Variants in AGPAT5 observed in about 807,000 individuals in gnomAD.
AGPAT5 encodes 1-acylglycerol-3-phosphate O-acyltransferase 5.
Under a neutral mutation model 45.6 loss-of-function variants are expected in AGPAT5, and 46 were observed. The ratio of observed to expected loss-of-function variants is 1.01; its 90% CI spans 0.80 to 1.29. AGPAT5 has a LOEUF of 1.29. Among genes scored for constraint, AGPAT5 ranks in the 50% most tolerant of loss-of-function variants. The pLI, the probability that AGPAT5 is intolerant of heterozygous loss-of-function variation, is 0.00. For missense variants in AGPAT5, 673 were observed against 450.7 expected, an observed-to-expected ratio of 1.49 and a Z score of -4.47; for synonymous variants, 272 against 167.0, an observed-to-expected ratio of 1.63 and a Z score of -4.85.
chr8:6,709,818 C>T (rs1477512432), intron 1 of AGPAT5, among the ~76,000 whole-genome samples: 2 of 152,030 alleles, frequency 1.3e-5, no homozygotes, highest in South Asian at 2.1e-4. Flanking sequence ...TTGATGGCCC[C>T]AGTTGGAAGT....
chr8:6,711,617 C>T (rs1164400012), intron 1 of AGPAT5, among the ~76,000 whole-genome samples: 1 of 152,224 alleles, frequency 6.6e-6, no homozygotes, highest in Non-Finnish European at 1.5e-5. Context: ...GCTGCCAAAA[C>T]AGATCACCTC....
intron 2 of AGPAT5, among the ~76,000 whole-genome samples, chr8:6,727,901 G>C (rs1276999105): frequency 6.6e-6 from 1 of 152,190 alleles, no homozygotes; most frequent in African/African-American, 2.4e-5. Flanking sequence ...TATTGGTAAG[G>C]TGTGAGTGAT....
At chr8:6,735,876 T>C (rs899714113) in intron 4 of AGPAT5, among the ~76,000 whole-genome samples, 2 of 136,634 alleles carry the variant, frequency 1.5e-5, no homozygotes, top group Admixed American at 7.9e-5. Context: ...TTTTTTTGAG[T>C]TGGAGTCTCG....
intron 6 of AGPAT5, among the ~76,000 whole-genome samples, chr8:6,750,724 CTT>C (rs34086600): frequency 6.8e-6 from 1 of 146,856 alleles, no homozygotes; most frequent in African/African-American, 2.5e-5. Flanking sequence ...CAGGGGATAC[CTT>C]TTTTTTTTTT....
chr8:6,715,818 T>C (rs188963044), intron 1 of AGPAT5, among the ~76,000 whole-genome samples: 3 of 152,358 alleles, frequency 2.0e-5, no homozygotes, highest in Admixed American at 2.0e-4. Context: ...CTTGGGTTAG[T>C]GGAGAAGGCT....
At chr8:6,721,191 G>C (rs964410671) in intron 1 of AGPAT5, among the ~76,000 whole-genome samples, 1 of 152,264 alleles carries the variant, frequency 6.6e-6, no homozygotes, top group African/African-American at 2.4e-5. Flanking sequence ...ACTAGTTTTT[G>C]TATGCTTTAC....
chr8:6,716,161 A>C (rs751431493), intron 1 of AGPAT5, among the ~76,000 whole-genome samples: 6 of 152,244 alleles, frequency 3.9e-5, no homozygotes, highest in Non-Finnish European at 8.8e-5. Context: ...ATATAACATT[A>C]GCATATTTTA....
chr8:6,713,699 A>G (rs1800228849), intron 1 of AGPAT5, among the ~76,000 whole-genome samples: 1 of 148,276 alleles, frequency 6.7e-6, no homozygotes, highest in Admixed American at 6.8e-5. Flanking sequence ...GACTACAGGT[A>G]CACAGCACCA....
chr8:6,709,756 T>C (rs989430877), intron 1 of AGPAT5, among the ~76,000 whole-genome samples: 11 of 152,108 alleles, frequency 7.2e-5, no homozygotes, highest in Admixed American at 1.3e-4. Context: ...GTTTTTACCC[T>C]GTGGTCAGTC....
At chr8:6,711,998 T>G (rs1029113066) in intron 1 of AGPAT5, among the ~76,000 whole-genome samples, 1 of 152,232 alleles carries the variant, frequency 6.6e-6, no homozygotes, top group African/African-American at 2.4e-5. Context: ...GTTCCAGGGC[T>G]TAGGATGTGG....
At chr8:6,709,502 C>T (rs974523014) in intron 1 of AGPAT5, 8 of 150,992 alleles carry the variant, frequency 5.3e-5, no homozygotes, top group Non-Finnish European at 8.8e-5. Context: ...GTAGATTAAA[C>T]TTGAGAAACA....
intron 3 of AGPAT5, 35 bp from the exon 4 acceptor site, chr8:6,732,526 A>G: frequency 1.3e-6 from 2 of 1,547,292 alleles, no homozygotes; most frequent in Non-Finnish European, 1.7e-6. Flanking sequence ...TTATTTTAAA[A>G]GTAAATGCTC....
Position 6,741,768 on chromosome 8 carries a change from G to A in AGPAT5, c.586+17G>A. On this transcript the variant is annotated intron_variant, in intron 5 of 7. Transcript: ENST00000285518. ...CCCAACGTGGTAAGTAAAAATTTGA[G>A]TGTTTGAACAAATAATTTTCAAAGA... 1 of 1,562,230 alleles carries A rather than the reference G, an allele frequency of 6.4e-7. No homozygotes were observed. Among genetic ancestry groups the A allele is most frequent in the Non-Finnish European group, 8.7e-7 (1 of 1,144,022 alleles).
At chr8:6,709,333 T>C in intron 1 of AGPAT5, 1 of 176,206 alleles carries the variant, frequency 5.7e-6, no homozygotes, top group Non-Finnish European at 1.2e-5. Context: ...TTCTTTCCCC[T>C]GGACAAGTGA....
chr8:6,755,118 A>T lies in AGPAT5; in HGVS notation c.813A>T (p.Pro271=). The change falls in exon 7 of 8, where the codon CCA becomes CCT. Residue 271 remains proline (P), a synonymous_variant. Coordinates refer to ENST00000285518, the MANE Select transcript of AGPAT5 (RefSeq NM_018361.5). Reference sequence around the variant, plus strand: ...ATCGTATCGACAAAAAAGATGTCCCAGAAGAACAAGAACATATGAGAAGAT... The same window carrying T: ...ATCGTATCGACAAAAAAGATGTCCCTGAAGAACAAGAACATATGAGAAGAT... ...HIDRIDKKDV[P]EEQEHMRRWL... 6.2e-7 allele frequency: 1 copy of T among 1,609,100 alleles called. No individual in the cohort carries two copies. Among genetic ancestry groups the T allele is most frequent in the African/African-American group, 1.3e-5 (1 of 74,886 alleles).
rs577567962 is a variant in AGPAT5, at chr8:6,752,170, C to T, written c.746-2881C>T. Reference sequence around the variant, plus strand: ...CTAGCCTGGCTGACAGAGCAAGAATCCGCCTAAAAAAAAAGGGATCAGGGA... The same window carrying T: ...CTAGCCTGGCTGACAGAGCAAGAATTCGCCTAAAAAAAAAGGGATCAGGGA... On this transcript the variant is annotated intron_variant, in intron 6 of 7. Transcript: ENST00000285518. 2.0e-5 allele frequency among the ~76,000 whole-genome samples: 3 copies of T among 151,814 alleles called. No individual in the cohort carries two copies. In the East Asian group the frequency reaches 5.8e-4, roughly 29 times the overall value.
intron 3 of AGPAT5, among the ~76,000 whole-genome samples, chr8:6,731,291 A>G (rs1800853487): frequency 6.6e-6 from 1 of 152,128 alleles, no homozygotes; most frequent in African/African-American, 2.4e-5. Context: ...GTATTTATAT[A>G]CGTCTGATTA....
At chr8:6,738,534 T>G (rs1027777147) in intron 4 of AGPAT5, 1 of 152,156 alleles carries the variant, frequency 6.6e-6, no homozygotes, top group African/African-American at 2.4e-5. Flanking sequence ...TACCGAAATA[T>G]GACACAGAGA....
At chr8:6,727,433 G>A (rs963864898) in intron 2 of AGPAT5, among the ~76,000 whole-genome samples, 3 of 151,954 alleles carry the variant, frequency 2.0e-5, no homozygotes, top group African/African-American at 4.8e-5. Flanking sequence ...CCCAGGCTGG[G>A]TGTAATGGTG....
Sources: gnomAD v4.1 joint callset for allele counts (sites outside exome capture counted in the v4.1 genomes callset) on GRCh38, gnomAD v4.1.1 for gene constraint, MANE v1.5 for transcripts, NCBI Gene and HGNC (gene_info 2026-07-23, HGNC 2026-07-21) for gene names.